Variants in LVRN observed in about 807,000 individuals in gnomAD.
LVRN encodes aminopeptidase Q.
In LVRN, 99 loss-of-function variants were observed where a neutral mutation model predicts 111.4. The observed-to-expected ratio is 0.89, with a 90% CI of 0.76 to 1.05. LVRN has a LOEUF of 1.05. Among genes scored for constraint, LVRN ranks in the 50% least tolerant of loss-of-function variants. The probability of loss-of-function intolerance (pLI) is 0.00; values close to 1 mark genes in which losing one functional copy is unlikely to be tolerated. For missense variants in LVRN, 1,414 were observed against 1,206.8 expected, an observed-to-expected ratio of 1.17 and a Z score of -2.54; for synonymous variants, 488 against 449.5, an observed-to-expected ratio of 1.09 and a Z score of -1.08.
rs1272069537 is a variant in LVRN at position 115,984,704 on chromosome 5, AAG to A, written c.974_975del (p.Lys325ArgfsTer35). 6.2e-7 allele frequency: 1 copy of A among 1,613,530 alleles called. No homozygotes were observed. The highest frequency in any genetic ancestry group is 8.5e-7 in the Non-Finnish European group (1 of 1,179,672). On this transcript the variant is annotated frameshift_variant, in exon 3 of 20. Coordinates refer to ENST00000357872, the MANE Select transcript of LVRN (RefSeq NM_173800.5). LOFTEE classifies it high-confidence loss of function. ...CCACGTCAACAGAACAGAAAGGGGCAAGGAGGTGAGTGAGGAAGATTCTGTAG... is the reference window on the plus strand; with the variant it reads ...CCACGTCAACAGAACAGAAAGGGGCAGAGGTGAGTGAGGAAGATTCTGTAG... Reference protein sequence around the residue: ...YDHVNRTERGKEIRIWARKDA... With the variant: ...YDHVNRTERGXEIRIWARKDA...
chr5:115,994,398 A>C (rs1467084645), intron 6 of LVRN, among the ~76,000 whole-genome samples: 1 of 151,574 alleles, frequency 6.6e-6, no homozygotes, highest in African/African-American at 2.4e-5. Flanking sequence ...TCAGCCTTCC[A>C]AATAGCTGGG....
At chr5:116,022,618 T>C (rs1748755043) in intron 19 of LVRN, 152 bp downstream of exon 19, 1 of 588,972 alleles carries the variant, frequency 1.7e-6, no homozygotes, top group Non-Finnish European at 3.0e-6. Flanking sequence ...GAAGTGTTTT[T>C]AATTGTATCC....
chr5:115,991,761 T>A (rs974173707), intron 4 of LVRN, among the ~76,000 whole-genome samples: 1 of 152,246 alleles, frequency 6.6e-6, no homozygotes, highest in Non-Finnish European at 1.5e-5. Context: ...TGACAATTGA[T>A]GTTGAGCATC....
chr5:115,976,986 T>C (rs1335454961), intron 1 of LVRN, among the ~76,000 whole-genome samples: 1 of 152,190 alleles, frequency 6.6e-6, no homozygotes, highest in Non-Finnish European at 1.5e-5. Flanking sequence ...TCTCCCTCTG[T>C]TGAATAATCT....
At chr5:115,988,590 C>T (rs1747919160) in intron 4 of LVRN, among the ~76,000 whole-genome samples, 1 of 152,094 alleles carries the variant, frequency 6.6e-6, no homozygotes, top group East Asian at 1.9e-4. Context: ...GTTCTTCTGA[C>T]ATGTTAGTTG....
intron 13 of LVRN, among the ~76,000 whole-genome samples, chr5:116,008,347 AAAT>A (rs944306219): frequency 1.3e-5 from 2 of 152,136 alleles, no homozygotes; most frequent in Admixed American, 1.3e-4. Flanking sequence ...CCGTCTAAAA[AAAT>A]AATAATAATA....
At chr5:115,979,235 T>G (rs1160785010) in intron 1 of LVRN, among the ~76,000 whole-genome samples, 3 of 152,116 alleles carry the variant, frequency 2.0e-5, no homozygotes, top group Non-Finnish European at 4.4e-5. Flanking sequence ...TCTCATGCCT[T>G]TTAGATCCCC....
chr5:116,022,066 T>G, intron 18 of LVRN: 1 of 227,682 alleles, frequency 4.4e-6, no homozygotes, highest in Non-Finnish European at 8.6e-6. Flanking sequence ...ATTTATATAT[T>G]TATTTATTCC....
At position 116,010,758 on chromosome 5, in the gene LVRN, T is replaced by C. The variant is rs1394983488; in HGVS notation, c.2111T>C (p.Ile704Thr). 2 of 1,599,744 alleles carry C rather than the reference T, an allele frequency of 1.3e-6. No individual in the cohort carries two copies. The highest frequency in any genetic ancestry group is 2.3e-5 in the South Asian group (2 of 88,706). ...FSLSKNNYIE[I>T]ETALELTKYL... ...TCAAACAGAAACAATTATATTGAGA[T>C]TGAAACAGCACTTGAGTTAACCAAG... The change falls in exon 14 of 20, where the codon ATT becomes ACT. Residue 704 changes from isoleucine (I) to threonine (T), a missense_variant. Coordinates refer to ENST00000357872, the MANE Select transcript of LVRN (RefSeq NM_173800.5).
chr5:115,995,947 CGTGT>C (rs3072895), intron 6 of LVRN, among the ~76,000 whole-genome samples: 7,709 of 150,788 alleles, frequency 0.051, 506 homozygotes, highest in African/African-American at 0.14. Flanking sequence ...AGAAGCTAAT[CGTGT>C]GTGTGTGTGT....
intron 1 of LVRN, chr5:115,975,410 G>C (rs1753423097): frequency 5.2e-6 from 1 of 193,860 alleles, no homozygotes; most frequent in African/African-American, 2.4e-5. Flanking sequence ...TATAACAAAT[G>C]CTTCTAAACT....
chr5:115,977,310 T>C (rs1160424841), intron 1 of LVRN, among the ~76,000 whole-genome samples: 1 of 152,214 alleles, frequency 6.6e-6, no homozygotes, highest in Admixed American at 6.5e-5. Context: ...ATTGTTTCAG[T>C]TTCCCTTTCC....
chr5:115,971,772 A>G (rs1475394773), intron 1 of LVRN, among the ~76,000 whole-genome samples: 4 of 151,974 alleles, frequency 2.6e-5, no homozygotes, highest in Admixed American at 2.6e-4. Flanking sequence ...ACTTTTTTCC[A>G]GTTATTTAGG....
At chr5:116,000,157 G>A (rs920406677) in intron 7 of LVRN, among the ~76,000 whole-genome samples, 1 of 152,066 alleles carries the variant, frequency 6.6e-6, no homozygotes. Flanking sequence ...GAACCCTTTT[G>A]CTTGGTGGAA....
At chr5:115,968,007 A>G (rs1208817770) in intron 1 of LVRN, among the ~76,000 whole-genome samples, 7 of 152,182 alleles carry the variant, frequency 4.6e-5, no homozygotes, top group Admixed American at 4.6e-4. Context: ...GGAATTGTCT[A>G]CATAGATCAT....
chr5:115,969,833 A>G (rs1331438913), intron 1 of LVRN, among the ~76,000 whole-genome samples: 2 of 149,372 alleles, frequency 1.3e-5, no homozygotes, highest in African/African-American at 4.9e-5. Context: ...TATAATTTTT[A>G]TCTTTAACAT....
At chr5:115,990,225 T>C (rs1308507633) in intron 4 of LVRN, among the ~76,000 whole-genome samples, 2 of 152,316 alleles carry the variant, frequency 1.3e-5, no homozygotes, top group East Asian at 3.9e-4. Flanking sequence ...GCTAGGTGTT[T>C]GGGTTATTAT....
intron 3 of LVRN, among the ~76,000 whole-genome samples, chr5:115,987,411 A>G (rs375693639): frequency 3.3e-5 from 5 of 152,322 alleles, no homozygotes; most frequent in African/African-American, 9.6e-5. Flanking sequence ...GTACCATACT[A>G]TATAACCCCC....
chr5:115,993,089 A>G (rs924250605), intron 5 of LVRN, among the ~76,000 whole-genome samples: 3 of 152,182 alleles, frequency 2.0e-5, no homozygotes, highest in African/African-American at 7.2e-5. Context: ...AATACAGGCT[A>G]TTAGTAATTA....
Sources: gnomAD v4.1 joint callset for allele counts (sites outside exome capture counted in the v4.1 genomes callset) on GRCh38, gnomAD v4.1.1 for gene constraint, MANE v1.5 for transcripts, NCBI Gene and HGNC (gene_info 2026-07-23, HGNC 2026-07-21) for gene names.